Variants in TCF12 observed in about 807,000 individuals in gnomAD.
TCF12 encodes the protein transcription factor 12.
In TCF12, 45 loss-of-function variants were observed where a neutral mutation model predicts 86.0. That is an observed-to-expected ratio of 0.52 (90% CI 0.41 to 0.67). The LOEUF (loss-of-function observed/expected upper bound fraction) is 0.67, where lower values mean the gene tolerates loss of function less well. TCF12 is among the 30% of genes least tolerant of loss of function. The pLI is 0.00. For synonymous variants in TCF12, 330 were observed against 299.6 expected, an observed-to-expected ratio of 1.10 and a Z score of -1.05; for missense variants, 881 against 859.9, an observed-to-expected ratio of 1.02 and a Z score of -0.31.
At chr15:57,243,973 G>T (rs2059742744) in intron 13 of TCF12, among the ~76,000 whole-genome samples, 1 of 152,028 alleles carries the variant, frequency 6.6e-6, no homozygotes, top group Non-Finnish European at 1.5e-5. Flanking sequence ...CCAACTCCTG[G>T]GCTCAAATGA....
At chr15:57,080,871 G>C (rs1028565555) in intron 4 of TCF12, among the ~76,000 whole-genome samples, 15 of 152,102 alleles carry the variant, frequency 9.9e-5, no homozygotes, top group Admixed American at 9.8e-4. Context: ...TTTGCCTCTA[G>C]GTTTTTTGAG....
At chr15:57,283,259 AT>A (rs1192277970) in intron 20 of TCF12, among the ~76,000 whole-genome samples, 175 of 143,608 alleles carry the variant, frequency 1.2e-3, no homozygotes, top group Admixed American at 1.7e-3. Context: ...GTTCCTTGTG[AT>A]TTTTTTTTTT....
At chr15:57,284,899 C>A (rs2061868334) in intron 20 of TCF12, among the ~76,000 whole-genome samples, 2 of 152,126 alleles carry the variant, frequency 1.3e-5, no homozygotes, top group African/African-American at 4.8e-5. Context: ...GAAATTTTCC[C>A]ACTTAGGTTA....
chr15:57,277,350 G>T (rs541499889), intron 19 of TCF12, among the ~76,000 whole-genome samples: 3 of 151,968 alleles, frequency 2.0e-5, no homozygotes, highest in African/African-American at 7.3e-5. Context: ...TAAGTTGGCA[G>T]CCGGGTGCAG....
intron 12 of TCF12, among the ~76,000 whole-genome samples, 170 bp downstream of exon 12, chr15:57,234,277 C>A (rs2059292343): frequency 6.6e-6 from 1 of 152,086 alleles, no homozygotes. Flanking sequence ...AAATGCTATG[C>A]CTGTGGTACA....
intron 5 of TCF12, among the ~76,000 whole-genome samples, chr15:57,155,134 A>G (rs2054025944): frequency 6.6e-6 from 1 of 152,108 alleles, no homozygotes; most frequent in Non-Finnish European, 1.5e-5. Flanking sequence ...GTTCATTACC[A>G]TTACCCCATG....
chr15:57,250,292 G>T (rs1354917337), intron 13 of TCF12, among the ~76,000 whole-genome samples: 2 of 152,128 alleles, frequency 1.3e-5, no homozygotes, highest in Non-Finnish European at 2.9e-5. Context: ...TATACCCTTT[G>T]ATTCAGAAAT....
chr15:57,057,985 C>T (rs531135842), intron 3 of TCF12, among the ~76,000 whole-genome samples: 1 of 152,198 alleles, frequency 6.6e-6, no homozygotes, highest in African/African-American at 2.4e-5. Flanking sequence ...TTCTCAGGTA[C>T]GTTGGGAGGG....
intron 3 of TCF12, among the ~76,000 whole-genome samples, chr15:57,040,812 C>T (rs2066848774): frequency 6.6e-6 from 1 of 152,106 alleles, no homozygotes; most frequent in South Asian, 2.1e-4. Flanking sequence ...TTAACTTACT[C>T]ATAATATGGA....
chr15:57,152,217 C>CCCACAG (rs1210033145), intron 5 of TCF12, among the ~76,000 whole-genome samples: 2 of 152,218 alleles, frequency 1.3e-5, no homozygotes, highest in African/African-American at 2.4e-5. Flanking sequence ...CCTAAATATA[C>CCCACAG]TACTGTTCTA....
intron 5 of TCF12, among the ~76,000 whole-genome samples, chr15:57,143,147 G>A (rs1395720351): frequency 1.5e-5 from 2 of 130,234 alleles, no homozygotes; most frequent in Non-Finnish European, 3.3e-5. Context: ...CACCTATTAC[G>A]TGCCCCCCCC....
chr15:57,250,615 G>A (rs2060064992), intron 13 of TCF12, among the ~76,000 whole-genome samples: 1 of 152,104 alleles, frequency 6.6e-6, no homozygotes, highest in African/African-American at 2.4e-5. Context: ...TGTAATCCCA[G>A]CTACTTGGGA....
chr15:57,081,884 A>G (rs1476429588), intron 4 of TCF12, among the ~76,000 whole-genome samples: 1 of 152,120 alleles, frequency 6.6e-6, no homozygotes, highest in Non-Finnish European at 1.5e-5. Context: ...TATTATGGTT[A>G]GTACTGTTAC....
intron 3 of TCF12, among the ~76,000 whole-genome samples, chr15:56,977,598 CAG>C (rs1287410911): frequency 6.6e-6 from 1 of 151,186 alleles, no homozygotes; most frequent in South Asian, 2.1e-4. Context: ...CACACACACA[CAG>C]AGAGGTGGAG....
intron 3 of TCF12, among the ~76,000 whole-genome samples, chr15:56,977,800 C>T (rs2062686740): frequency 6.6e-6 from 1 of 152,064 alleles, no homozygotes; most frequent in African/African-American, 2.4e-5. Context: ...TGTTAGGATA[C>T]TTCTATAGAG....
At chr15:57,100,234 A>G (rs1370304774) in intron 5 of TCF12, among the ~76,000 whole-genome samples, 1 of 152,142 alleles carries the variant, frequency 6.6e-6, no homozygotes, top group Non-Finnish European at 1.5e-5. Flanking sequence ...CTTGGTTGCT[A>G]GAGAACAAGA....
intron 4 of TCF12, among the ~76,000 whole-genome samples, chr15:57,072,387 A>G (rs562549456): frequency 1.3e-5 from 2 of 152,320 alleles, no homozygotes; most frequent in Non-Finnish European, 2.9e-5. Flanking sequence ...GTTTTCCTTA[A>G]TACATGGGAA....
intron 3 of TCF12, among the ~76,000 whole-genome samples, chr15:57,039,059 G>A (rs1165648842): frequency 6.6e-6 from 1 of 152,134 alleles, no homozygotes; most frequent in Admixed American, 6.5e-5. Context: ...CCCCTTAACT[G>A]TATAGGCCAG....
At chr15:56,950,414 C>T (rs1403257648) in intron 3 of TCF12, among the ~76,000 whole-genome samples, 5 of 152,066 alleles carry the variant, frequency 3.3e-5, no homozygotes, top group South Asian at 2.1e-4. Context: ...TTAGTAGAGA[C>T]GAGGTTTCAC....
Sources: allele counts gnomAD v4.1 joint callset (sites outside exome capture counted in the v4.1 genomes callset), GRCh38; gene constraint gnomAD v4.1.1; transcripts MANE v1.5; gene names NCBI Gene and HGNC (gene_info 2026-07-23, HGNC 2026-07-21).